Variants in ANKRD42 observed in about 807,000 individuals in gnomAD.
The protein encoded by ANKRD42 is ankyrin repeat domain 42.
ANKRD42 carries 43 observed loss-of-function variants against 51.5 expected under a neutral mutation model. The observed-to-expected ratio is 0.83, with a 90% CI of 0.65 to 1.08. The LOEUF is 1.08. ANKRD42 is among the 50% of genes least tolerant of loss of function. The pLI is 0.00. For synonymous variants in ANKRD42, 203 were observed against 213.0 expected (o/e 0.95, Z 0.41); for missense variants, 608 against 629.3 (o/e 0.97, Z 0.36).
chr11:83,209,440 C>G, intron 3 of ANKRD42: 2 of 1,588,698 alleles, frequency 1.3e-6, no homozygotes, highest in East Asian at 2.2e-5. Context: ...AATACGACGA[C>G]GAGGAGTTTG....
At chr11:83,222,399 A>G (rs75718058) in intron 5 of ANKRD42, among the ~76,000 whole-genome samples, 2,770 of 152,302 alleles carry the variant, frequency 0.018, 66 homozygotes, top group African/African-American at 0.058. Context: ...TGCTGAGGGG[A>G]GAGACAGGTA....
chr11:83,240,576 A>G (rs1364913515), intron 8 of ANKRD42, among the ~76,000 whole-genome samples, 183 bp from the exon 9 acceptor site: 1 of 152,228 alleles, frequency 6.6e-6, no homozygotes, highest in African/African-American at 2.4e-5. Context: ...GTGCCAAGTA[A>G]CTGAGTTTCT....
chr11:83,209,584 A>G (rs1362210947), intron 3 of ANKRD42: 11 of 915,420 alleles, frequency 1.2e-5, no homozygotes, highest in Non-Finnish European at 1.8e-5. Context: ...TCCATGAACC[A>G]GAACCTCACA....
chr11:83,242,567 G>GTTTTTTTTTTTTTTGTTTTTTTTTT (rs1863421661), intron 9 of ANKRD42, among the ~76,000 whole-genome samples: 28 of 115,508 alleles, frequency 2.4e-4, no homozygotes, highest in Admixed American at 2.1e-3. Flanking sequence ...TGGTAGTTAA[G>GTTTTTTTTTTTTTTGTTTTTTTTTT]TTTTTTTTTT....
chr11:83,262,251 TTAAA>T (rs550152755), downstream of ANKRD42, among the ~76,000 whole-genome samples: 7 of 152,256 alleles, frequency 4.6e-5, no homozygotes, highest in East Asian at 1.3e-3. Flanking sequence ...ATTGACTACT[TTAAA>T]TAATTATAAG....
chr11:83,214,350 G>A, intron 5 of ANKRD42: 1 of 833,674 alleles, frequency 1.2e-6, no homozygotes, highest in South Asian at 5.5e-5. Context: ...TCCTAGAACT[G>A]ACTTTTCCGT....
At chr11:83,256,668 G>A (rs867246391), downstream of ANKRD42, among the ~76,000 whole-genome samples, 15 of 152,268 alleles carry the variant, frequency 9.9e-5, no homozygotes, top group African/African-American at 3.6e-4. Context: ...GGGCTTCCCT[G>A]GCAGCAGCCA....
At chr11:83,209,325 G>A (rs1862210355) in intron 3 of ANKRD42, 2 of 896,008 alleles carry the variant, frequency 2.2e-6, no homozygotes, top group South Asian at 2.8e-5. Context: ...GGCCAAAGTG[G>A]GTGGGAGTGC....
chr11:83,261,956 A>G, downstream of ANKRD42: 1 of 1,599,422 alleles, frequency 6.3e-7, no homozygotes, highest in Non-Finnish European at 8.5e-7. Flanking sequence ...CCAGGCAAGT[A>G]AACACCGAAG....
chr11:83,236,162 T>C (rs1863215322), intron 7 of ANKRD42, among the ~76,000 whole-genome samples: 1 of 152,204 alleles, frequency 6.6e-6, no homozygotes, highest in South Asian at 2.1e-4. Flanking sequence ...AGTTTCAGCT[T>C]TTATATCCGT....
chr11:83,225,859 C>A (rs958019055), intron 6 of ANKRD42, among the ~76,000 whole-genome samples: 6 of 149,908 alleles, frequency 4.0e-5, no homozygotes, highest in Non-Finnish European at 7.4e-5. Flanking sequence ...ATACCATTAC[C>A]TTTTCTTCCT....
rs868362312 is a variant in ANKRD42 at position 83,194,667 on chromosome 11, C to T, written c.-4C>T. 1.2e-6 allele frequency: 2 copies of T among 1,613,822 alleles called. No homozygotes were observed. The highest frequency in any genetic ancestry group is 8.5e-7 in the Non-Finnish European group (1 of 1,179,948). The stretch of plus-strand genomic sequence containing the variant: ...CTCCTCCCCAGAGTCGGAGGTGTTG[C>T]GCCATGCCCGGGGTGGCCAATTCAG... On this transcript the variant is annotated 5_prime_UTR_variant, in exon 1 of 11. Transcript: ENST00000533342.
At chr11:83,212,904 T>G (rs1360297611) in intron 5 of ANKRD42, 1 of 1,206,340 alleles carries the variant, frequency 8.3e-7, no homozygotes, top group Non-Finnish European at 1.1e-6. Flanking sequence ...ATTTTGTAAG[T>G]TTTTTTTTTT....
At chr11:83,198,686 A>G (rs1861755588) in intron 2 of ANKRD42, 44 bp downstream of exon 2, 2 of 1,502,126 alleles carry the variant, frequency 1.3e-6, no homozygotes, top group African/African-American at 1.4e-5. Context: ...AGTTTTAGCT[A>G]TAACAGTTTT....
chr11:83,237,347 C>G (rs1863253246), intron 8 of ANKRD42, among the ~76,000 whole-genome samples: 1 of 151,900 alleles, frequency 6.6e-6, no homozygotes. Context: ...AAGGAAACTG[C>G]ATGGGGACAG....
chr11:83,241,995 A>G (rs1863400610), intron 9 of ANKRD42, among the ~76,000 whole-genome samples: 1 of 152,214 alleles, frequency 6.6e-6, no homozygotes, highest in African/African-American at 2.4e-5. Context: ...ACAAGAGCAG[A>G]CGTAGAATAT....
At chr11:83,226,520 G>T (rs998615536) in intron 6 of ANKRD42, among the ~76,000 whole-genome samples, 1 of 152,088 alleles carries the variant, frequency 6.6e-6, no homozygotes, top group Non-Finnish European at 1.5e-5. Flanking sequence ...AATAGCCAAA[G>T]AATATTTTTA....
At chr11:83,209,918 G>T in intron 3 of ANKRD42, 1 of 391,308 alleles carries the variant, frequency 2.6e-6, no homozygotes, top group South Asian at 2.9e-5. Flanking sequence ...GGCAGATGGA[G>T]GAAGCATCTG....
chr11:83,214,525 T>C, intron 5 of ANKRD42: 1 of 981,790 alleles, frequency 1.0e-6, no homozygotes, highest in South Asian at 4.7e-5. Flanking sequence ...ATAATATAGA[T>C]GTTAAGAAAG....
Sources: gnomAD v4.1 joint callset for allele counts (sites outside exome capture counted in the v4.1 genomes callset) on GRCh38, gnomAD v4.1.1 for gene constraint, MANE v1.5 for transcripts, NCBI Gene and HGNC (gene_info 2026-07-23, HGNC 2026-07-21) for gene names.